The following PIGN variants were observed in gnomAD, a reference collection of about 807,000 sequenced individuals.
The protein encoded by PIGN is GPI ethanolamine phosphate transferase 1.
A neutral mutation model predicts 125.4 loss-of-function variants in PIGN; 117 were observed. That is an observed-to-expected ratio of 0.93 (90% CI 0.80 to 1.09). The LOEUF (loss-of-function observed/expected upper bound fraction) is 1.09. PIGN is among the 50% of genes least tolerant of loss of function. The pLI, the probability that PIGN is intolerant of heterozygous loss-of-function variation, is 0.00. For missense variants in PIGN, 1,075 were observed against 1,094.9 expected (o/e 0.98, Z 0.26); for synonymous variants, 392 against 377.8 (o/e 1.04, Z -0.44).
chr18:62,114,692 G>A, intron 14 of PIGN, 53 bp from the exon 15 acceptor site: 1 of 792,566 alleles, frequency 1.3e-6, no homozygotes, highest in Non-Finnish European at 1.9e-6. Flanking sequence ...CCAAGTATAT[G>A]TTTCTTTTTT....
chr18:62,149,524 A>G (rs1414770101), intron 7 of PIGN, among the ~76,000 whole-genome samples: 1 of 152,194 alleles, frequency 6.6e-6, no homozygotes, highest in African/African-American at 2.4e-5. Flanking sequence ...TCTGGCAGCT[A>G]GATGTGCCTA....
chr18:62,098,379 T>C (rs964669475), intron 22 of PIGN, among the ~76,000 whole-genome samples: 3 of 152,212 alleles, frequency 2.0e-5, no homozygotes, highest in Non-Finnish European at 4.4e-5. Context: ...TTTCAATATG[T>C]CTGATTTTAA....
Position 62,084,596 on chromosome 18 carries a change from C to T in PIGN, c.2437G>A (p.Ala813Thr), listed in dbSNP as rs769813940. ...ACAGTCAGAAAGCAATAGACAGAGG[C>T]AAGATCAAAGCTAGGGAATTATAAC... ...NIASINSFDL[A>T]SVYCFLTVFS... Residue 813 changes from alanine (A) to threonine (T), a missense_variant, in exon 27 of 31, where the codon GCC becomes ACC. Ala to Thr is a moderately conservative substitution (Grantham distance 58). Coordinates refer to ENST00000640252, the MANE Select transcript of PIGN (RefSeq NM_176787.5). 2 of 1,552,240 alleles carry T rather than the reference C, an allele frequency of 1.3e-6. No homozygotes were observed.
intron 30 of PIGN, among the ~76,000 whole-genome samples, chr18:62,070,892 A>G (rs1023796528): frequency 5.3e-5 from 8 of 151,652 alleles, no homozygotes; most frequent in African/African-American, 1.5e-4. Context: ...AACTCTTTTG[A>G]CCTCCCAGGC....
chr18:62,154,253 T>C (rs542035280), intron 7 of PIGN: 11 of 426,874 alleles, frequency 2.6e-5, no homozygotes, highest in African/African-American at 1.7e-4. Context: ...TCTGATTCCA[T>C]GGTCAATGAA....
At chr18:62,084,894 G>A (rs889168104) in intron 26 of PIGN, among the ~76,000 whole-genome samples, 4 of 152,104 alleles carry the variant, frequency 2.6e-5, no homozygotes, top group Admixed American at 6.6e-5. Flanking sequence ...GATCACCTGC[G>A]GTCAGCAGTT....
At chr18:62,068,296 G>A (rs553044663) in intron 30 of PIGN, among the ~76,000 whole-genome samples, 5 of 152,018 alleles carry the variant, frequency 3.3e-5, no homozygotes, top group Non-Finnish European at 7.4e-5. Context: ...CCACATTACT[G>A]TCTCACTGAG....
intron 23 of PIGN, 59 bp from the exon 24 acceptor site, chr18:62,090,637 CA>C: frequency 5.8e-6 from 5 of 862,314 alleles, no homozygotes; most frequent in Non-Finnish European, 7.5e-6. Context: ...AGTAAAAATG[CA>C]AATTTACACT....
intron 17 of PIGN, among the ~76,000 whole-genome samples, chr18:62,108,518 T>C (rs1004230659): frequency 3.3e-5 from 5 of 152,132 alleles, no homozygotes; most frequent in African/African-American, 1.2e-4. Flanking sequence ...AATATGTTAT[T>C]TGATCAGTGT....
At chr18:62,141,050 G>A (rs182395688) in intron 11 of PIGN, among the ~76,000 whole-genome samples, 2 of 152,132 alleles carry the variant, frequency 1.3e-5, no homozygotes, top group East Asian at 3.9e-4. Flanking sequence ...TCACTCTTCT[G>A]CCCACTGTGA....
chr18:62,028,193 G>A (rs1161250905), intron 23 of PIGN, among the ~76,000 whole-genome samples: 1 of 152,162 alleles, frequency 6.6e-6, no homozygotes, highest in African/African-American at 2.4e-5. Flanking sequence ...CAGTTTTCAG[G>A]TGCTTCACGC....
chr18:62,101,832 G>A (rs980852173), intron 21 of PIGN, among the ~76,000 whole-genome samples: 3 of 152,130 alleles, frequency 2.0e-5, no homozygotes, highest in African/African-American at 7.2e-5. Flanking sequence ...AAGAAAAACA[G>A]ATGTTTTCCA....
intron 30 of PIGN, among the ~76,000 whole-genome samples, chr18:62,053,621 T>C (rs544152445): frequency 5.3e-5 from 8 of 152,314 alleles, no homozygotes; most frequent in Non-Finnish European, 1.2e-4. Context: ...GGAGTGGCTA[T>C]ATTAATATCA....
At chr18:62,065,677 T>TGCA (rs1319433413) in intron 30 of PIGN, among the ~76,000 whole-genome samples, 5 of 151,574 alleles carry the variant, frequency 3.3e-5, no homozygotes, top group African/African-American at 4.9e-5. Flanking sequence ...AGACAGAGCT[T>TGCA]GTGAGCCGAG....
At chr18:62,036,731 G>T (rs565082240), downstream of PIGN, among the ~76,000 whole-genome samples, 23 of 152,218 alleles carry the variant, frequency 1.5e-4, 1 homozygote, top group South Asian at 4.8e-3. Flanking sequence ...GCATATTACT[G>T]CCATAGGCCC....
At chr18:62,099,559 A>C (rs2034354710) in intron 22 of PIGN, among the ~76,000 whole-genome samples, 1 of 152,306 alleles carries the variant, frequency 6.6e-6, no homozygotes, top group East Asian at 1.9e-4. Context: ...GCATGATTTC[A>C]AAGTAAACTA....
At chr18:62,023,343 T>C (rs2030077065) in intron 23 of PIGN, among the ~76,000 whole-genome samples, 1 of 152,244 alleles carries the variant, frequency 6.6e-6, no homozygotes, top group African/African-American at 2.4e-5. Flanking sequence ...TCTTTTGTGA[T>C]TGCTTCTTTC....
intron 14 of PIGN, among the ~76,000 whole-genome samples, 169 bp from the exon 15 acceptor site, chr18:62,114,808 A>T (rs2035026078): frequency 6.6e-6 from 1 of 152,200 alleles, no homozygotes. Context: ...GTCTTCCAAG[A>T]AATAGCTTAT....
At chr18:62,055,639 T>C (rs2031657024) in intron 30 of PIGN, among the ~76,000 whole-genome samples, 2 of 152,128 alleles carry the variant, frequency 1.3e-5, no homozygotes, top group South Asian at 4.2e-4. Context: ...AAGTTACCAC[T>C]GGGGGGAAAT....
Sources: gnomAD v4.1 joint callset for allele counts (sites outside exome capture counted in the v4.1 genomes callset) on GRCh38, gnomAD v4.1.1 for gene constraint, MANE v1.5 for transcripts, NCBI Gene and HGNC (gene_info 2026-07-23, HGNC 2026-07-21) for gene names.